IL21R: variants seen among roughly 807,000 people sequenced by gnomAD.
IL21R encodes the protein interleukin 21 receptor.
IL21R carries 14 observed loss-of-function variants against 41.3 expected under a neutral mutation model. The ratio of observed to expected loss-of-function variants is 0.34; its 90% CI spans 0.22 to 0.53. The LOEUF (loss-of-function observed/expected upper bound fraction) is 0.53. IL21R is among the 20% of genes least tolerant of loss of function. The pLI, the probability that IL21R is intolerant of heterozygous loss-of-function variation, is 0.94. For missense variants in IL21R, 588 were observed against 681.6 expected (o/e 0.86, Z 1.53); for synonymous variants, 286 against 287.6 (o/e 0.99, Z 0.05).
In IL21R at chr16:27,440,248, T is replaced by TATATAGAG. The variant is rs1352160946; in HGVS notation, c.352+2562_352+2563insTATAGAGA. On this transcript the variant is annotated intron_variant, in intron 4 of 8. Coordinates refer to ENST00000337929, the MANE Select transcript of IL21R (RefSeq NM_181078.3). ...ATATATATATATATATATATATATA[T>TATATAGAG]AGAGAGAGAGAGAGAGAGAGAGAGA... 7.8e-3 allele frequency among the ~76,000 whole-genome samples: 497 copies of TATATAGAG among 64,000 alleles called. 2 individuals are homozygous for TATATAGAG. The highest frequency in any genetic ancestry group is 0.011 in the Non-Finnish European group (396 of 37,620). 42.0% of individuals were successfully genotyped at this position (64,000 alleles called of 152,430 possible). A position where few individuals can be genotyped will look rare whatever the true frequency, so the allele number is the denominator to read the frequency against.
chr16:27,421,270 C>T (rs778408945), intron 1 of IL21R, among the ~76,000 whole-genome samples: 1 of 143,782 alleles, frequency 7.0e-6, no homozygotes, highest in Non-Finnish European at 1.5e-5. Context: ...TTTCTCAAAA[C>T]CTTTTTGGCT....
intron 1 of IL21R, among the ~76,000 whole-genome samples, chr16:27,429,255 CTT>C (rs201601362): frequency 3.3e-5 from 5 of 151,412 alleles, no homozygotes; most frequent in African/African-American, 1.2e-4. Flanking sequence ...AATTTACTGG[CTT>C]TTTTTTACAA....
chr16:27,425,554 G>GT (rs11384296), intron 1 of IL21R, among the ~76,000 whole-genome samples: 10,103 of 148,550 alleles, frequency 0.068, 1,107 homozygotes, highest in African/African-American at 0.23. Context: ...TTTGTGTTTT[G>GT]TTTTGTTTTT....
At chr16:27,428,290 C>T (rs1271819676) in intron 1 of IL21R, among the ~76,000 whole-genome samples, 2 of 152,272 alleles carry the variant, frequency 1.3e-5, no homozygotes, top group Admixed American at 6.5e-5. Context: ...TCATCTGAAC[C>T]TTCCTGGCCC....
intron 8 of IL21R, chr16:27,447,619 G>A (rs1349222168): frequency 6.6e-6 from 1 of 152,200 alleles, no homozygotes; most frequent in Non-Finnish European, 1.5e-5. Context: ...TCCTCAAAGT[G>A]TACAAAGGCC....
intron 1 of IL21R, among the ~76,000 whole-genome samples, chr16:27,425,149 CA>C (rs1374177185): frequency 6.6e-6 from 1 of 152,202 alleles, no homozygotes; most frequent in Non-Finnish European, 1.5e-5. Flanking sequence ...CAAACCATAT[CA>C]AGGGGCTCCT....
intron 1 of IL21R, among the ~76,000 whole-genome samples, chr16:27,425,845 T>C (rs967528220): frequency 1.3e-5 from 2 of 152,158 alleles, no homozygotes; most frequent in African/African-American, 4.8e-5. Context: ...CATGACCCAG[T>C]GTGCCCGGCC....
chr16:27,446,127 T>C, intron 8 of IL21R, 39 bp downstream of exon 8: 1 of 1,559,754 alleles, frequency 6.4e-7, no homozygotes, highest in Non-Finnish European at 8.8e-7. Context: ...TCGGAGCCCC[T>C]CCTCCTCTTC....
Position 27,435,264 on chromosome 16 carries a change from A to T in IL21R, c.152+815A>T, listed in dbSNP as rs562058591. Among the ~76,000 whole-genome samples the T allele has an allele frequency of 2.8e-4, 43 of 152,078 alleles. 1 individual carries two copies. The highest frequency in any genetic ancestry group is 9.6e-4 in the African/African-American group (40 of 41,502). ...AGCAAGATCCCAACTCAAAAACAAA[A>T]CAAAACAAAACAAAACATGTATTAA... On this transcript the variant is annotated intron_variant, in intron 3 of 8. Coordinates refer to ENST00000337929, the MANE Select transcript of IL21R (RefSeq NM_181078.3).
chr16:27,437,260 G>A (rs905057129), intron 3 of IL21R, among the ~76,000 whole-genome samples: 2 of 152,188 alleles, frequency 1.3e-5, no homozygotes, highest in Admixed American at 6.5e-5. Context: ...CCTGGCCCCT[G>A]GGAGGTGTGC....
At chr16:27,438,202 T>C (rs1314685563) in intron 4 of IL21R, among the ~76,000 whole-genome samples, 1 of 152,178 alleles carries the variant, frequency 6.6e-6, no homozygotes, top group Non-Finnish European at 1.5e-5. Context: ...CTGGGACAGC[T>C]TCCCTATTTG....
chr16:27,429,633 G>T (rs932398685), intron 1 of IL21R, among the ~76,000 whole-genome samples: 1 of 152,116 alleles, frequency 6.6e-6, no homozygotes, highest in African/African-American at 2.4e-5. Context: ...AATTAGCCAG[G>T]CGTGGTGGCA....
intron 2 of IL21R, among the ~76,000 whole-genome samples, chr16:27,431,976 C>A (rs943512161): frequency 5.3e-5 from 8 of 152,188 alleles, no homozygotes; most frequent in African/African-American, 1.7e-4. Flanking sequence ...TGCACCACCC[C>A]CAGAGGGGAC....
rs184783689 is a variant in IL21R at position 27,439,266 on chromosome 16, G to A, written c.352+1579G>A. 1.6e-3 allele frequency among the ~76,000 whole-genome samples: 240 copies of A among 151,746 alleles called. 1 individual carries two copies. The highest frequency in any genetic ancestry group is 5.4e-3 in the African/African-American group (224 of 41,316). On this transcript the variant is annotated intron_variant, in intron 4 of 8. Transcript: ENST00000337929. The stretch of plus-strand genomic sequence containing the variant: ...TAGATGCGCCCTCAAACTCACAGAT[G>A]TCTCCCCAGCCCCAGCCTGCATGGC...
chr16:27,444,986 TGAA>T (rs1344639097), intron 6 of IL21R, among the ~76,000 whole-genome samples, 188 bp from the exon 7 acceptor site: 2 of 152,172 alleles, frequency 1.3e-5, no homozygotes, highest in Non-Finnish European at 2.9e-5. Context: ...CTCAGAGAAA[TGAA>T]GTTACTTGCC....
chr16:27,437,483 T>TGA lies in IL21R; in HGVS notation c.153-4_153-3dup, dbSNP rs1271340508. On this transcript the variant is annotated splice_region_variant and splice_polypyrimidine_tract_variant and intron_variant, in intron 3 of 8. Transcript: ENST00000337929. ...CAGCCATGACCGGCTGCTTTGTCCT[T>TGA]GAAGGCAAGACCAGTATGAAGAGCT... 1 of 1,612,844 alleles carries TGA rather than the reference T, an allele frequency of 6.2e-7. No homozygotes were observed. Among genetic ancestry groups the TGA allele is most frequent in the East Asian group, 2.2e-5 (1 of 44,890 alleles).
intron 1 of IL21R, among the ~76,000 whole-genome samples, chr16:27,418,933 C>T (rs961986834): frequency 6.6e-5 from 10 of 150,600 alleles, no homozygotes; most frequent in Non-Finnish European, 8.9e-5. Flanking sequence ...ACCTAAGACA[C>T]GCGGGGCATG....
At chr16:27,440,674 A>G (rs1422584081) in intron 4 of IL21R, among the ~76,000 whole-genome samples, 2 of 152,164 alleles carry the variant, frequency 1.3e-5, no homozygotes, top group Non-Finnish European at 2.9e-5. Context: ...TGCCCCAAGG[A>G]GCTAAGAGCC....
chr16:27,424,384 C>T (rs765402059), intron 1 of IL21R, among the ~76,000 whole-genome samples: 21 of 152,112 alleles, frequency 1.4e-4, no homozygotes, highest in Non-Finnish European at 2.8e-4. Flanking sequence ...TGAAGTTAAG[C>T]ACCTTATATT....
Sources: allele counts gnomAD v4.1 joint callset (sites outside exome capture counted in the v4.1 genomes callset), GRCh38; gene constraint gnomAD v4.1.1; transcripts MANE v1.5; gene names NCBI Gene and HGNC (gene_info 2026-07-23, HGNC 2026-07-21).